ASAP2: variants seen among roughly 807,000 people sequenced by gnomAD.
ASAP2 encodes arf-GAP with SH3 domain, ANK repeat and PH domain-containing protein 2.
ASAP2 carries 45 observed loss-of-function variants against 131.4 expected under a neutral mutation model. That is an observed-to-expected ratio of 0.34 (90% CI 0.27 to 0.44). The LOEUF (loss-of-function observed/expected upper bound fraction) is 0.44, where lower values mean the gene tolerates loss of function less well. ASAP2 is among the 20% of genes least tolerant of loss of function. The probability of loss-of-function intolerance (pLI) is 1.00; values close to 1 mark genes in which losing one functional copy is unlikely to be tolerated. For synonymous variants in ASAP2, 510 were observed against 503.0 expected, an observed-to-expected ratio of 1.01 and a Z score of -0.19; for missense variants, 1,011 against 1,297.0, an observed-to-expected ratio of 0.78 and a Z score of 3.39.
At chr2:9,240,328 A>G (rs1572227925) in intron 1 of ASAP2, among the ~76,000 whole-genome samples, 1 of 145,458 alleles carries the variant, frequency 6.9e-6, no homozygotes, top group Non-Finnish European at 1.5e-5. Flanking sequence ...ATCACGGCTC[A>G]CTGCAGCCAC....
In ASAP2 at chr2:9,206,923, G is replaced by C. The variant is rs914637669; in HGVS notation, c.-182G>C. The C allele has an allele frequency of 2.6e-5, 9 of 345,194 alleles. No homozygotes were observed. In the Admixed American group the frequency reaches 2.7e-4, roughly 10 times the overall value. 21.4% of individuals were successfully genotyped at this position (345,194 alleles called of 1,614,324 possible). On this transcript the variant is annotated 5_prime_UTR_variant, in exon 1 of 28. Coordinates refer to ENST00000281419, the MANE Select transcript of ASAP2 (RefSeq NM_003887.3). The surrounding 1 kb of genome is among the most constrained non-coding windows in gnomAD (Gnocchi z 4.0). ...GGGCGGACCGGCCGAGCTGCGCGGG[G>C]CTGCGCGCCGCCCCTGCTCCGCCGC...
intron 1 of ASAP2, among the ~76,000 whole-genome samples, chr2:9,259,838 C>T (rs956788577): frequency 3.9e-5 from 6 of 152,240 alleles, no homozygotes; most frequent in African/African-American, 1.2e-4. Context: ...TGCTAAATGC[C>T]CCCCATGTCT....
At position 9,334,784 on chromosome 2, in the gene ASAP2, A is replaced by G; in HGVS notation, c.733A>G (p.Ile245Val). The G allele has an allele frequency of 6.2e-7, 1 of 1,614,114 alleles. No homozygotes were observed. Among genetic ancestry groups the G allele is most frequent in the African/African-American group, 1.3e-5 (1 of 75,022 alleles). The change falls in exon 8 of 28, where the codon ATT becomes GTT. Residue 245 changes from isoleucine (I) to valine (V), a missense_variant. By Grantham distance (29) the Ile-to-Val change is conservative. Around this residue, in one of 2 missense-constraint regions of ASAP2, gnomAD observed 359 missense variants for 598.1 expected, o/e 0.60. Transcript: ENST00000281419. Reference protein sequence around the residue: ...LKAVESLKPSIETLSTDLHTI... With the variant: ...LKAVESLKPSVETLSTDLHTI... ...AGCCGTGGAAAGCCTCAAACCTTCC[A>G]TTGAAACGCTGTCTACGGATCTTCA...
chr2:9,293,615 A>T (rs1421265133), intron 2 of ASAP2, among the ~76,000 whole-genome samples: 3 of 152,208 alleles, frequency 2.0e-5, no homozygotes, highest in Non-Finnish European at 4.4e-5. Flanking sequence ...CTAGTAGGAA[A>T]ATCTTCACCT....
At chr2:9,300,804 A>G (rs1385762028) in intron 3 of ASAP2, among the ~76,000 whole-genome samples, 4 of 152,250 alleles carry the variant, frequency 2.6e-5, no homozygotes, top group African/African-American at 4.8e-5. Flanking sequence ...TAAAGGAACC[A>G]TGGCCTCTTG....
Position 9,289,830 on chromosome 2 carries a change from A to G in ASAP2, c.200-7470A>G, listed in dbSNP as rs887635557. The stretch of plus-strand genomic sequence containing the variant: ...TTGCTAGCTGCCTGTGCTGAACACA[A>G]CCAGACTAGATACATCCTGGGGTAC... On this transcript the variant is annotated intron_variant, in intron 2 of 27. Transcript: ENST00000281419. 4.6e-5 allele frequency among the ~76,000 whole-genome samples: 7 copies of G among 152,212 alleles called. No individual in the cohort carries two copies. In the East Asian group the frequency reaches 1.3e-3, roughly 29 times the overall value.
At chr2:9,397,202 T>C (rs1676214648) in intron 24 of ASAP2, among the ~76,000 whole-genome samples, 1 of 152,190 alleles carries the variant, frequency 6.6e-6, no homozygotes, top group African/African-American at 2.4e-5. Context: ...TCCATGCTGC[T>C]GTTTTTCGAG....
chr2:9,377,654 T>TGGA (rs1307022966), intron 18 of ASAP2, among the ~76,000 whole-genome samples: 4 of 152,182 alleles, frequency 2.6e-5, no homozygotes, highest in African/African-American at 7.2e-5. Context: ...ATGTGTGTAC[T>TGGA]GGAGGAGGAG....
At chr2:9,236,104 G>A (rs1012396708) in intron 1 of ASAP2, among the ~76,000 whole-genome samples, 1 of 152,110 alleles carries the variant, frequency 6.6e-6, no homozygotes, top group Admixed American at 6.6e-5. Context: ...TGGGTCAAAA[G>A]GCTTCAGGTG....
chr2:9,292,792 G>A (rs1029947822), intron 2 of ASAP2, among the ~76,000 whole-genome samples: 1 of 152,204 alleles, frequency 6.6e-6, no homozygotes, highest in Admixed American at 6.5e-5. Context: ...GAGCATATGT[G>A]TCCTTGTATC....
At chr2:9,280,986 T>G (rs6710839) in intron 2 of ASAP2, among the ~76,000 whole-genome samples, 1 of 152,178 alleles carries the variant, frequency 6.6e-6, no homozygotes, top group African/African-American at 2.4e-5. Flanking sequence ...GTCAGGGTTG[T>G]GTGCAGTGAG....
intron 15 of ASAP2, among the ~76,000 whole-genome samples, chr2:9,365,171 C>G (rs979195415): frequency 3.9e-5 from 6 of 152,184 alleles, no homozygotes; most frequent in African/African-American, 1.4e-4. Context: ...TAAACTTTTT[C>G]CCTGCACACC....
chr2:9,225,754 C>T (rs11678891), intron 1 of ASAP2, among the ~76,000 whole-genome samples: 34,196 of 151,906 alleles, frequency 0.23, 4,005 homozygotes, highest in Non-Finnish European at 0.25. Context: ...TGGCCACTGC[C>T]GTGGGAAGTG....
chr2:9,351,278 G>A (rs1007793363), intron 12 of ASAP2, among the ~76,000 whole-genome samples: 1 of 152,232 alleles, frequency 6.6e-6, no homozygotes, highest in African/African-American at 2.4e-5. Flanking sequence ...TTTGGGTGAT[G>A]TTAGAAATGC....
At chr2:9,365,397 T>C (rs571436430) in intron 15 of ASAP2, among the ~76,000 whole-genome samples, 16 of 152,334 alleles carry the variant, frequency 1.1e-4, no homozygotes, top group Non-Finnish European at 1.5e-5. Flanking sequence ...CTCACTTGCC[T>C]GTTCTCTCCT....
chr2:9,254,254 T>TATATATATATACAC (rs1553297027), intron 1 of ASAP2, among the ~76,000 whole-genome samples: 4 of 65,744 alleles, frequency 6.1e-5, no homozygotes, highest in African/African-American at 2.2e-4. Context: ...TATATATATA[T>TATATATATATACAC]ACACGTGTGT....
In ASAP2 at chr2:9,356,883, T is replaced by C. The variant is rs146255280; in HGVS notation, c.1327+538T>C. ...TGAAATAAGATTTTATTTTTACATT[T>C]TGATAAAGCATATTAGGGGCTTTAT... On this transcript the variant is annotated intron_variant, in intron 14 of 27. Transcript: ENST00000281419. Among the ~76,000 whole-genome samples the C allele has an allele frequency of 1.4e-4, 22 of 152,298 alleles. No homozygotes were observed. The East Asian group carries it at 3.7e-3, about 25-fold the overall frequency.
At position 9,374,979 on chromosome 2, in the gene ASAP2, A is replaced by AT. The variant is rs754734925; in HGVS notation, c.1746+35_1746+36insT. 10 of 1,542,278 alleles carry AT rather than the reference A, an allele frequency of 6.5e-6. No individual in the cohort carries two copies. In the Admixed American group the frequency reaches 2.2e-4, roughly 34 times the overall value. On this transcript the variant is annotated intron_variant, in intron 17 of 27. Transcript: ENST00000281419. ...TGGGTTGTTGCTACTTTAAAAAAAA[A>AT]AAAAAGGCCGGCCACGGTGGCTCAT...
chr2:9,354,212 G>A (rs1322964334), intron 12 of ASAP2, among the ~76,000 whole-genome samples: 1 of 152,188 alleles, frequency 6.6e-6, no homozygotes, highest in East Asian at 1.9e-4. Flanking sequence ...GGAGCCAGAG[G>A]GAGTCAATGA....
Sources: gnomAD v4.1 joint callset for allele counts (sites outside exome capture counted in the v4.1 genomes callset) on GRCh38, gnomAD v4.1.1 for gene constraint, gnomAD v4.1.1 regional missense constraint, Gnocchi (gnomAD v3.1) non-coding constraint, MANE v1.5 for transcripts, NCBI Gene and HGNC (gene_info 2026-07-23, HGNC 2026-07-21) for gene names.